The following TENT5D variants were observed in gnomAD, a reference collection of about 807,000 sequenced individuals.
TENT5D encodes the protein terminal nucleotidyltransferase 5D.
For synonymous variants in TENT5D, 103 were observed against 100.6 expected, an observed-to-expected ratio of 1.02 and a Z score of -0.15; for missense variants, 191 against 287.0, an observed-to-expected ratio of 0.67 and a Z score of 2.42.
At chrX:80,356,414 G>A (rs772437233) in intron 3 of TENT5D, among the ~76,000 whole-genome samples, 61 of 111,637 alleles carry the variant, frequency 5.5e-4, no homozygotes, top group Non-Finnish European at 8.1e-4. Flanking sequence ...TGAGCCATAG[G>A]TGTCTTTGGG....
chrX:80,378,419 G>A (rs768480318), intron 3 of TENT5D, among the ~76,000 whole-genome samples: 1 of 111,299 alleles, frequency 9.0e-6, no homozygotes, highest in Non-Finnish European at 1.9e-5. Context: ...TTGTATAAGG[G>A]GTAAGGAAGG....
chrX:80,343,379 G>T (rs1040321348), intron 3 of TENT5D, among the ~76,000 whole-genome samples: 1 of 105,611 alleles, frequency 9.5e-6, no homozygotes, highest in South Asian at 4.0e-4. Flanking sequence ...TTAGGACCAG[G>T]TCATTTTATT....
rs756950855 is a variant in TENT5D, at chrX:80,413,750, C to T, written c.-141-24860C>T. Among the ~76,000 whole-genome samples the T allele has an allele frequency of 1.2e-4, 13 of 111,848 alleles. No homozygotes were observed. The South Asian group carries it at 3.3e-3, about 29-fold the overall frequency. ...TTAAACCTCATTTTGTTCCCAGTTT[C>T]GGGTATGTATCAGCAGCATGAAAAT... On this transcript the variant is annotated intron_variant, in intron 3 of 4. Transcript: ENST00000538312.
At chrX:80,442,932 A>G (rs776244562) in exon 3 of TENT5D, 11 of 1,209,853 alleles carry the variant, frequency 9.1e-6, no homozygotes, top group Non-Finnish European at 1.2e-5. Flanking sequence ...ACGCTTACGT[A>G]CAGAAATTGG....
intron 3 of TENT5D, among the ~76,000 whole-genome samples, chrX:80,362,014 A>T (rs181313079): frequency 1.8e-5 from 2 of 110,045 alleles, no homozygotes; most frequent in Admixed American, 1.9e-4. Flanking sequence ...CTCAGTGTCT[A>T]TTGTTCCCAT....
chrX:80,421,733 G>A, intron 1 of TENT5D, among the ~76,000 whole-genome samples: 1 of 111,692 alleles, frequency 9.0e-6, no homozygotes, highest in Non-Finnish European at 1.9e-5. Context: ...AAAATATGAG[G>A]ACCTGAATAT....
At chrX:80,347,073 A>G (rs1930078818) in intron 3 of TENT5D, among the ~76,000 whole-genome samples, 1 of 111,814 alleles carries the variant, frequency 8.9e-6, no homozygotes, top group African/African-American at 3.3e-5. Context: ...TATCCAGTAT[A>G]TCATTGATGG....
intron 3 of TENT5D, among the ~76,000 whole-genome samples, chrX:80,393,230 C>G (rs1398487379): frequency 1.8e-5 from 2 of 110,613 alleles, no homozygotes; most frequent in Non-Finnish European, 3.8e-5. Flanking sequence ...AATTATTGTC[C>G]ATCATCTCTC....
intron 3 of TENT5D, among the ~76,000 whole-genome samples, chrX:80,405,909 G>T (rs1488199442): frequency 9.2e-5 from 10 of 108,328 alleles, no homozygotes; most frequent in African/African-American, 2.7e-4. Context: ...ATCTGAGAAC[G>T]GGCAGACTGC....
intron 3 of TENT5D, among the ~76,000 whole-genome samples, chrX:80,386,437 A>G (rs1185329508): frequency 9.0e-6 from 1 of 111,170 alleles, no homozygotes; most frequent in Admixed American, 9.6e-5. Context: ...GGATAGCATT[A>G]GGAGATACAC....
chrX:80,362,730 T>A (rs767372429), intron 3 of TENT5D, among the ~76,000 whole-genome samples: 1 of 111,709 alleles, frequency 9.0e-6, no homozygotes, highest in East Asian at 2.8e-4. Flanking sequence ...CAGAGCCTCT[T>A]CCCTCTAATG....
At chrX:80,399,397 C>G (rs1428339083) in intron 3 of TENT5D, among the ~76,000 whole-genome samples, 1 of 112,040 alleles carries the variant, frequency 8.9e-6, no homozygotes, top group Non-Finnish European at 1.9e-5. Context: ...TCTTGGCATT[C>G]TTTTAGAAAA....
chrX:80,390,945 A>G (rs1316413288), intron 3 of TENT5D, among the ~76,000 whole-genome samples: 3 of 112,136 alleles, frequency 2.7e-5, no homozygotes, highest in Non-Finnish European at 5.6e-5. Flanking sequence ...CCTTTATCAG[A>G]GTTGCATCTC....
At chrX:80,384,840 A>G (rs2147534044) in intron 3 of TENT5D, among the ~76,000 whole-genome samples, 1 of 109,688 alleles carries the variant, frequency 9.1e-6, no homozygotes, top group Non-Finnish European at 1.9e-5. Context: ...TTCAAAGAGA[A>G]TAAAATAGGA....
chrX:80,441,555 A>G (rs946799628), intron 2 of TENT5D, among the ~76,000 whole-genome samples: 2 of 111,386 alleles, frequency 1.8e-5, no homozygotes, highest in East Asian at 5.6e-4. Flanking sequence ...AACTATGTCC[A>G]TGTTGAATGT....
chrX:80,411,538 T>A (rs1461785488), intron 3 of TENT5D, among the ~76,000 whole-genome samples: 1 of 112,298 alleles, frequency 8.9e-6, no homozygotes, highest in African/African-American at 3.2e-5. Context: ...TTCCTCTTTA[T>A]GTTTATAACT....
chrX:80,428,114 ATCAGTTTATACCACTATCTGT>A (rs1460334668), intron 1 of TENT5D, among the ~76,000 whole-genome samples: 1 of 112,380 alleles, frequency 8.9e-6, no homozygotes, highest in Non-Finnish European at 1.9e-5. Context: ...TATTTCTTTT[ATCAGTTTATACCACTATCTGT>A]TCACAATAAT....
At chrX:80,404,989 A>T (rs1467381179) in intron 3 of TENT5D, among the ~76,000 whole-genome samples, 2 of 112,134 alleles carry the variant, frequency 1.8e-5, no homozygotes, top group African/African-American at 6.5e-5. Flanking sequence ...TGCACAGAAT[A>T]TTGTTGGAAG....
chrX:80,377,284 A>T (rs1347462455), intron 3 of TENT5D, among the ~76,000 whole-genome samples: 2 of 111,506 alleles, frequency 1.8e-5, no homozygotes, highest in African/African-American at 6.5e-5. Context: ...TGTGCACAAC[A>T]TGCAGGTTTG....
Sources: gnomAD v4.1 joint callset for allele counts (sites outside exome capture counted in the v4.1 genomes callset) on GRCh38, gnomAD v4.1.1 for gene constraint, MANE v1.5 for transcripts, NCBI Gene and HGNC (gene_info 2026-07-23, HGNC 2026-07-21) for gene names.